The following VSTM1 variants were observed in gnomAD, a reference collection of about 807,000 sequenced individuals.
VSTM1 encodes V-set and transmembrane domain-containing protein 1.
VSTM1 carries 27 observed loss-of-function variants against 33.1 expected under a neutral mutation model. The observed-to-expected ratio is 0.82, with a 90% confidence interval of 0.60 to 1.12. VSTM1 has a LOEUF of 1.12. VSTM1 is among the 50% of genes most tolerant of loss of function. VSTM1 has a pLI of 0.00. For synonymous variants in VSTM1, 115 were observed against 110.3 expected (o/e 1.04, Z -0.27); for missense variants, 304 against 288.9 (o/e 1.05, Z -0.38).
chr19:54,062,979 C>G (rs2071469354), intron 1 of VSTM1, among the ~76,000 whole-genome samples: 1 of 152,118 alleles, frequency 6.6e-6, no homozygotes, highest in Non-Finnish European at 1.5e-5. Flanking sequence ...TGAGCTCTGT[C>G]TGAATACATC....
intron 3 of VSTM1, chr19:54,053,008 C>T: frequency 6.8e-6 from 1 of 147,842 alleles, no homozygotes; most frequent in South Asian, 1.0e-4. Context: ...AAAAAAGCAG[C>T]CAGTGACCCT....
In VSTM1 at chr19:54,040,939, A is replaced by G. The variant is rs762223978; in HGVS notation, c.*22T>C. ...TGGCCAGCACGATCCCCCCTCCTTT[A>G]GTGGCCAGGGCTGTCTTCTTGCTAC... On this transcript the variant is annotated 3_prime_UTR_variant, in exon 9 of 9. Transcript: ENST00000338372. 2.1e-5 allele frequency: 34 copies of G among 1,602,868 alleles called. No homozygotes were observed. The South Asian group carries it at 3.7e-4, about 17-fold the overall frequency.
Position 54,041,098 on chromosome 19 carries a change from G to A in VSTM1, c.592-18C>T. The A allele has an allele frequency of 1.3e-6, 2 of 1,559,552 alleles. No homozygotes were observed. Among genetic ancestry groups the A allele is most frequent in the South Asian group, 1.2e-5 (1 of 83,648 alleles). On this transcript the variant is annotated intron_variant, in intron 8 of 8. Coordinates refer to ENST00000338372, the MANE Select transcript of VSTM1 (RefSeq NM_198481.4). ...TCTGCCGTCTTTGGAGAAAATAGAT[G>A]AATATTAGAACTGAGTGTTCAATAT...
chr19:54,041,867 A>G, intron 7 of VSTM1, 49 bp downstream of exon 7: 2 of 1,614,010 alleles, frequency 1.2e-6, no homozygotes, highest in East Asian at 2.2e-5. Flanking sequence ...AGAAGTCAGA[A>G]CTTAGTCTTT....
chr19:54,058,293 C>G lies in VSTM1; in HGVS notation c.355+13G>C. 1 of 1,606,834 alleles carries G rather than the reference C, an allele frequency of 6.2e-7. No homozygotes were observed. Among genetic ancestry groups the G allele is most frequent in the Non-Finnish European group, 8.5e-7 (1 of 1,174,678 alleles). On this transcript the variant is annotated intron_variant, in intron 3 of 8. Transcript: ENST00000338372. ...GAAATGTGTGCATCAAAGAGTACAT[C>G]TGCCCTTCTCACCTGTGACCACCAG... is the stretch of plus-strand genomic sequence containing the variant.
At chr19:54,060,533 C>T (rs1455552442) in intron 1 of VSTM1, among the ~76,000 whole-genome samples, 4 of 152,214 alleles carry the variant, frequency 2.6e-5, no homozygotes, top group African/African-American at 4.8e-5. Flanking sequence ...GCGTTGGCAG[C>T]GAGATTAGCT....
intron 3 of VSTM1, among the ~76,000 whole-genome samples, chr19:54,056,214 C>CTTTTTTTTTTTTTTTTT (rs869203085): frequency 1.8e-4 from 7 of 39,182 alleles, no homozygotes; most frequent in Admixed American, 3.5e-4. Flanking sequence ...CTTTTCTTTT[C>CTTTTTTTTTTTTTTTTT]TTTTTTTTTT....
intron 1 of VSTM1, among the ~76,000 whole-genome samples, chr19:54,063,194 C>G (rs569024111): frequency 6.6e-6 from 1 of 152,066 alleles, no homozygotes; most frequent in Admixed American, 6.6e-5. Context: ...AAAAGTCAGC[C>G]GGGTGTGGTG....
At chr19:54,041,718 C>G in intron 8 of VSTM1, 61 bp downstream of exon 8, 4 of 1,566,192 alleles carry the variant, frequency 2.6e-6, no homozygotes, top group Non-Finnish European at 3.5e-6. Context: ...CCAGGAGGCA[C>G]ACACGACCAG....
rs2071517943 is a variant in VSTM1 at position 54,063,829 on chromosome 19, G to T, written c.-52C>A. Reference sequence around the variant, plus strand: ...CCCGCCTTGGGTTTTACCCTTCAAAGGCGGAGCGGGACTGGGCCGGCCGCA... The same window carrying T: ...CCCGCCTTGGGTTTTACCCTTCAAATGCGGAGCGGGACTGGGCCGGCCGCA... On this transcript the variant is annotated 5_prime_UTR_variant, in exon 1 of 9. Transcript: ENST00000338372. 1.9e-6 allele frequency: 3 copies of T among 1,609,668 alleles called. No homozygotes were observed. Among genetic ancestry groups the T allele is most frequent in the African/African-American group, 1.3e-5 (1 of 74,804 alleles).
chr19:54,055,375 T>C (rs1459904737), intron 3 of VSTM1: 4 of 142,456 alleles, frequency 2.8e-5, no homozygotes, highest in Admixed American at 7.2e-5. Context: ...AAAAAGAAGT[T>C]AGTAACACAA....
rs2070214716 is a variant in VSTM1 at position 54,040,855 on chromosome 19, T to A, written c.*106A>T. 7.0e-7 allele frequency: 1 copy of A among 1,420,634 alleles called. No individual in the cohort carries two copies. Among genetic ancestry groups the A allele is most frequent in the South Asian group, 1.4e-5 (1 of 70,246 alleles). 88.0% of individuals were successfully genotyped at this position (1,420,634 alleles called of 1,614,324 possible). A position where few individuals can be genotyped will look rare whatever the true frequency, so the allele number is the denominator to read the frequency against. On this transcript the variant is annotated 3_prime_UTR_variant, in exon 9 of 9. Coordinates refer to ENST00000338372, the MANE Select transcript of VSTM1 (RefSeq NM_198481.4). ...TTTTAAGACGAGAAACTTAATTTTA[T>A]TGATATGGACGAAGAGCAAGGAAAC...
intron 6 of VSTM1, 62 bp downstream of exon 6, chr19:54,042,107 C>G: frequency 2.5e-6 from 4 of 1,603,232 alleles, no homozygotes; most frequent in South Asian, 1.1e-5. Flanking sequence ...CCGGATGTGC[C>G]AATGGGTTCC....
At chr19:54,063,649 T>C in intron 1 of VSTM1, 95 bp downstream of exon 1, 1 of 1,503,160 alleles carries the variant, frequency 6.7e-7, no homozygotes, top group Non-Finnish European at 9.2e-7. Flanking sequence ...CTGGAAGTCA[T>C]TACTTCCACA....
At chr19:54,063,667 T>C in intron 1 of VSTM1, 77 bp downstream of exon 1, 2 of 1,573,990 alleles carry the variant, frequency 1.3e-6, no homozygotes, top group Non-Finnish European at 1.7e-6. Flanking sequence ...ACACACCGCA[T>C]TTCCACCTGG....
chr19:54,063,475 G>C (rs1259908286), intron 1 of VSTM1, among the ~76,000 whole-genome samples: 1 of 152,134 alleles, frequency 6.6e-6, no homozygotes, highest in African/African-American at 2.4e-5. Context: ...TGGCAGTACT[G>C]CGGTATTTAG....
chr19:54,046,209 A>G (rs1439131828), intron 4 of VSTM1, among the ~76,000 whole-genome samples: 3 of 152,078 alleles, frequency 2.0e-5, no homozygotes, highest in African/African-American at 4.8e-5. Context: ...TATCACATCT[A>G]ATTATCTATC....
At chr19:54,042,806 G>GTATATATATATATATATATATATATATA (rs1203522841) in intron 4 of VSTM1, among the ~76,000 whole-genome samples, 15 of 57,930 alleles carry the variant, frequency 2.6e-4, no homozygotes, top group South Asian at 6.1e-4. Context: ...ATATAAATGT[G>GTATATATATATATATATATATATATATA]TATATATATA....
intron 6 of VSTM1, 30 bp downstream of exon 6, chr19:54,042,139 A>T: frequency 6.2e-7 from 1 of 1,613,842 alleles, no homozygotes; most frequent in Non-Finnish European, 8.5e-7. Flanking sequence ...CATGGGAATA[A>T]GTGGAGCATG....
Sources: gnomAD v4.1 joint callset for allele counts (sites outside exome capture counted in the v4.1 genomes callset) on GRCh38, gnomAD v4.1.1 for gene constraint, MANE v1.5 for transcripts, NCBI Gene and HGNC (gene_info 2026-07-23, HGNC 2026-07-21) for gene names.